PCYT1B: variants seen among roughly 807,000 people sequenced by gnomAD.
The protein encoded by PCYT1B is phosphate cytidylyltransferase 1B, choline, also known as choline-phosphate cytidylyltransferase B.
Under a neutral mutation model 26.4 loss-of-function variants are expected in PCYT1B, and 10 were observed. That is an observed-to-expected ratio of 0.38 (90% CI 0.23 to 0.64). The LOEUF is 0.64. Ranked by LOEUF, PCYT1B falls within the 30% of genes least tolerant of loss-of-function variation. The pLI is 0.56. For missense variants in PCYT1B, 161 were observed against 292.7 expected (o/e 0.55, Z 3.28); for synonymous variants, 131 against 108.4 (o/e 1.21, Z -1.29).
intron 1 of PCYT1B, among the ~76,000 whole-genome samples, chrX:24,672,362 T>C (rs1184869015): frequency 8.9e-6 from 1 of 112,047 alleles, no homozygotes; most frequent in African/African-American, 3.2e-5. Flanking sequence ...TGACATACTC[T>C]GCAAGGGGAT....
In PCYT1B at chrX:24,590,193, T is replaced by C; in HGVS notation, c.335-19A>G. Reference sequence around the variant, plus strand: ...CTGCAAACTAAAACAGGCAAATGCATTAAATGCCATTACTCGGCCCAGGAC... The same window carrying C: ...CTGCAAACTAAAACAGGCAAATGCACTAAATGCCATTACTCGGCCCAGGAC... On this transcript the variant is annotated intron_variant, in intron 3 of 7. Transcript: ENST00000379144. The C allele has an allele frequency of 8.3e-7, 1 of 1,198,091 alleles. No individual in the cohort carries two copies. The highest frequency in any genetic ancestry group is 1.8e-5 in the South Asian group (1 of 55,019).
At chrX:24,569,919 C>T (rs1031178380) in intron 7 of PCYT1B, among the ~76,000 whole-genome samples, 2 of 111,876 alleles carry the variant, frequency 1.8e-5, no homozygotes, top group African/African-American at 3.2e-5. Flanking sequence ...CACAGTGGCT[C>T]ATGCCTGTAA....
chrX:24,588,694 G>A (rs1382571014), intron 4 of PCYT1B, among the ~76,000 whole-genome samples: 1 of 111,420 alleles, frequency 9.0e-6, no homozygotes, highest in Non-Finnish European at 1.9e-5. Flanking sequence ...GTCGGGAGTT[G>A]TCCTGTGCAT....
chrX:24,671,760 G>C (rs927047348), intron 1 of PCYT1B, among the ~76,000 whole-genome samples: 70 of 111,124 alleles, frequency 6.3e-4, no homozygotes, highest in African/African-American at 2.3e-3. Context: ...ACATCATCTG[G>C]GGTCCTTCTT....
At chrX:24,666,097 T>G (rs1024878479) in intron 1 of PCYT1B, among the ~76,000 whole-genome samples, 31 of 111,359 alleles carry the variant, frequency 2.8e-4, no homozygotes, top group African/African-American at 1.0e-3. Flanking sequence ...TAGGGTCAAG[T>G]TGGAGTTGGT....
intron 3 of PCYT1B, among the ~76,000 whole-genome samples, chrX:24,600,803 A>G (rs1233871912): frequency 9.0e-6 from 1 of 110,984 alleles, no homozygotes; most frequent in African/African-American, 3.3e-5. Flanking sequence ...AGACAAATAC[A>G]TCAATGGAAC....
upstream of PCYT1B, among the ~76,000 whole-genome samples, chrX:24,650,861 C>T (rs748958473): frequency 8.9e-6 from 1 of 111,787 alleles, no homozygotes; most frequent in Non-Finnish European, 1.9e-5. Context: ...AAAAAAGATA[C>T]AACTTACAGC....
At chrX:24,620,498 C>G (rs958707207) in intron 1 of PCYT1B, among the ~76,000 whole-genome samples, 1 of 112,207 alleles carries the variant, frequency 8.9e-6, no homozygotes, top group Non-Finnish European at 1.9e-5. Context: ...GTTCACTATT[C>G]GTTCTTTTTC....
At chrX:24,580,434 G>A (rs181500541) in intron 5 of PCYT1B, among the ~76,000 whole-genome samples, 48 of 111,985 alleles carry the variant, frequency 4.3e-4, no homozygotes, top group South Asian at 3.0e-3. Context: ...TATTTGTGTC[G>A]TCTCTGATCT....
rs1332815922 is a variant in PCYT1B, at chrX:24,575,124, A to G, written c.897+6T>C. On this transcript the variant is annotated splice_donor_region_variant and intron_variant, in intron 7 of 7. Coordinates refer to ENST00000379144, the MANE Select transcript of PCYT1B (RefSeq NM_004845.5). ...CATTGTGGGGTAAAGTGAAATCATT[A>G]CATACCCATGCTCCATCAGGTCCAA... 1.7e-6 allele frequency: 2 copies of G among 1,169,935 alleles called. No individual in the cohort carries two copies. Among genetic ancestry groups the G allele is most frequent in the East Asian group, 6.0e-5 (2 of 33,192 alleles).
At chrX:24,655,719 G>C (rs774153450) in intron 1 of PCYT1B, among the ~76,000 whole-genome samples, 1 of 110,843 alleles carries the variant, frequency 9.0e-6, no homozygotes, top group South Asian at 3.9e-4. Context: ...GAAGGCGGAG[G>C]GTTGCAGTGA....
intron 1 of PCYT1B, among the ~76,000 whole-genome samples, 168 bp downstream of exon 1, chrX:24,646,821 G>C (rs1346490818): frequency 9.0e-6 from 1 of 111,613 alleles, no homozygotes; most frequent in Non-Finnish European, 1.9e-5. Flanking sequence ...TGAGAGCAGC[G>C]CCCGGTATAG....
chrX:24,572,550 A>C (rs1227248767), intron 7 of PCYT1B, among the ~76,000 whole-genome samples: 3 of 111,739 alleles, frequency 2.7e-5, no homozygotes, highest in African/African-American at 9.8e-5. Flanking sequence ...GGTAATACAG[A>C]TCTTCTATTT....
Position 24,652,602 on chromosome X carries a change from C to A in PCYT1B, c.63+19968G>T, listed in dbSNP as rs939354790. Among the ~76,000 whole-genome samples the A allele has an allele frequency of 7.3e-5, 8 of 109,860 alleles. No individual in the cohort carries two copies. In the East Asian group the frequency reaches 2.3e-3, roughly 31 times the overall value. On this transcript the variant is annotated intron_variant, in intron 1 of 7. Transcript: ENST00000379145. Reference sequence around the variant, plus strand: ...TGACAAAAAACCGCAATTATTTTTGCACCAACCTAATGCTTATCATAGCCT... The same window carrying A: ...TGACAAAAAACCGCAATTATTTTTGAACCAACCTAATGCTTATCATAGCCT...
At chrX:24,569,906 G>A (rs755322851) in intron 7 of PCYT1B, among the ~76,000 whole-genome samples, 21 of 111,809 alleles carry the variant, frequency 1.9e-4, no homozygotes, top group Middle Eastern at 4.6e-3. Flanking sequence ...AAAATGGGCC[G>A]GGCACAGTGG....
intron 5 of PCYT1B, among the ~76,000 whole-genome samples, chrX:24,582,029 T>C (rs1924221837): frequency 8.9e-6 from 1 of 112,134 alleles, no homozygotes; most frequent in African/African-American, 3.2e-5. Flanking sequence ...GAAAACCAAA[T>C]GGAAGGCAGA....
At chrX:24,581,665 C>T (rs760870974) in intron 5 of PCYT1B, among the ~76,000 whole-genome samples, 1 of 112,368 alleles carries the variant, frequency 8.9e-6, no homozygotes, top group South Asian at 3.7e-4. Context: ...ATAAGCTACA[C>T]TAGGGAAGGG....
chrX:24,663,437 T>G (rs1023218473), intron 1 of PCYT1B, among the ~76,000 whole-genome samples: 1 of 112,597 alleles, frequency 8.9e-6, no homozygotes, highest in African/African-American at 3.2e-5. Context: ...ATGCCTTAAA[T>G]AAATACCTTT....
chrX:24,637,479 TAA>T (rs1201643219), intron 1 of PCYT1B, among the ~76,000 whole-genome samples: 2 of 59,495 alleles, frequency 3.4e-5, no homozygotes, highest in Admixed American at 2.3e-4. Flanking sequence ...CCATCTCTAC[TAA>T]AAAAAAAAAA....
Sources: allele counts gnomAD v4.1 joint callset (sites outside exome capture counted in the v4.1 genomes callset), GRCh38; gene constraint gnomAD v4.1.1; transcripts MANE v1.5; gene names NCBI Gene and HGNC (gene_info 2026-07-23, HGNC 2026-07-21).